UBE2R2: variants seen among roughly 807,000 people sequenced by gnomAD.
UBE2R2 encodes ubiquitin-conjugating enzyme E2 R2.
UBE2R2 carries 1 observed loss-of-function variant against 27.8 expected under a neutral mutation model. The ratio of observed to expected loss-of-function variants is 0.04; its 90% confidence interval spans 0.01 to 0.17. UBE2R2 has a LOEUF of 0.17. UBE2R2 is among the 10% of genes least tolerant of loss of function. The probability of loss-of-function intolerance (pLI) is 1.00; values close to 1 mark genes in which losing one functional copy is unlikely to be tolerated. For missense variants in UBE2R2, 100 were observed against 291.0 expected (o/e 0.34, Z 4.78); for synonymous variants, 106 against 113.3 (o/e 0.94, Z 0.41).
intron 1 of UBE2R2, among the ~76,000 whole-genome samples, chr9:33,853,774 A>AT (rs749498528): frequency 0.08 from 8,931 of 112,302 alleles, 507 homozygotes; most frequent in Non-Finnish European, 0.12. Context: ...CTTCCTTCCA[A>AT]TTTTTTTTTT....
chr9:33,904,466 C>T (rs537959916), intron 3 of UBE2R2, among the ~76,000 whole-genome samples: 5 of 152,286 alleles, frequency 3.3e-5, no homozygotes, highest in Non-Finnish European at 7.4e-5. Flanking sequence ...TCCATATTCA[C>T]GTATTTGGTT....
intron 1 of UBE2R2, among the ~76,000 whole-genome samples, chr9:33,826,629 GGA>G (rs145288246): frequency 0.4 from 60,788 of 151,014 alleles, 12,460 homozygotes; most frequent in South Asian, 0.48. Context: ...ATCCAGAGGC[GGA>G]GAGGTTGCAG....
intron 1 of UBE2R2, among the ~76,000 whole-genome samples, chr9:33,872,033 C>T (rs550792645): frequency 6.6e-6 from 1 of 152,120 alleles, no homozygotes; most frequent in East Asian, 1.9e-4. Context: ...TTTCTTGAGA[C>T]AGCTGATATA....
intron 4 of UBE2R2, among the ~76,000 whole-genome samples, chr9:33,915,803 G>A (rs1478168095): frequency 6.6e-6 from 1 of 152,062 alleles, no homozygotes; most frequent in Non-Finnish European, 1.5e-5. Flanking sequence ...ACTAGATAGT[G>A]CTAAGTAGGA....
At chr9:33,847,989 A>G (rs1375094845) in intron 1 of UBE2R2, among the ~76,000 whole-genome samples, 1 of 151,794 alleles carries the variant, frequency 6.6e-6, no homozygotes, top group Non-Finnish European at 1.5e-5. Flanking sequence ...TCCTGACCTC[A>G]GGTGATCCAC....
At chr9:33,828,251 G>C (rs971606613) in intron 1 of UBE2R2, among the ~76,000 whole-genome samples, 14 of 147,432 alleles carry the variant, frequency 9.5e-5, no homozygotes, top group African/African-American at 3.5e-4. Flanking sequence ...GCAGTGAGCC[G>C]AGATCCCACC....
intron 2 of UBE2R2, among the ~76,000 whole-genome samples, chr9:33,887,740 C>T (rs1213246886): frequency 1.3e-5 from 2 of 152,134 alleles, no homozygotes; most frequent in Non-Finnish European, 2.9e-5. Context: ...GGCGCAATCT[C>T]GCTCACTGCT....
chr9:33,918,812 T>G lies in UBE2R2; in HGVS notation c.*1575T>G, dbSNP rs1175889434. 6.6e-6 allele frequency: 1 copy of G among 152,584 alleles called. No homozygotes were observed. The highest frequency in any genetic ancestry group is 1.5e-5 in the Non-Finnish European group (1 of 68,064). 9.5% of individuals were successfully genotyped at this position (152,584 alleles called of 1,614,324 possible). The stretch of plus-strand genomic sequence containing the variant: ...ACTCAGAAAGAACCAAAGGGCAGAT[T>G]AGGGACGGGGCAGGAGGGATCCTAG... On this transcript the variant is annotated 3_prime_UTR_variant, in exon 5 of 5. Transcript: ENST00000263228.
intron 1 of UBE2R2, among the ~76,000 whole-genome samples, chr9:33,846,037 A>G (rs907058553): frequency 6.6e-6 from 1 of 151,936 alleles, no homozygotes; most frequent in African/African-American, 2.4e-5. Context: ...GAGGCAGGAA[A>G]ATGGCGTGAA....
intron 1 of UBE2R2, among the ~76,000 whole-genome samples, chr9:33,874,644 C>G (rs1821564601): frequency 6.6e-6 from 1 of 151,042 alleles, no homozygotes; most frequent in Admixed American, 6.6e-5. Flanking sequence ...CTTTTCATTT[C>G]ATTTGTGAAA....
intron 2 of UBE2R2, among the ~76,000 whole-genome samples, chr9:33,894,600 G>C (rs1050705572): frequency 6.6e-6 from 1 of 151,994 alleles, no homozygotes; most frequent in Non-Finnish European, 1.5e-5. Context: ...CACCTGACTA[G>C]TAAAATTTTG....
intron 1 of UBE2R2, among the ~76,000 whole-genome samples, chr9:33,818,417 A>T (rs1825880774): frequency 6.6e-6 from 1 of 150,842 alleles, no homozygotes; most frequent in African/African-American, 2.4e-5. Context: ...TTGTCATTTC[A>T]GAAGCTGCCG....
chr9:33,825,918 A>C (rs1820306039), intron 1 of UBE2R2, among the ~76,000 whole-genome samples: 1 of 152,084 alleles, frequency 6.6e-6, no homozygotes, highest in Non-Finnish European at 1.5e-5. Context: ...GGAGGTGGGC[A>C]GATCACTTGA....
chr9:33,828,504 C>T (rs575342693), intron 1 of UBE2R2, among the ~76,000 whole-genome samples: 2 of 151,584 alleles, frequency 1.3e-5, no homozygotes, highest in African/African-American at 4.8e-5. Flanking sequence ...GTTCTGCTGC[C>T]TTAGCCTCCA....
intron 3 of UBE2R2, among the ~76,000 whole-genome samples, chr9:33,911,541 T>A (rs1222607579): frequency 6.6e-6 from 1 of 152,160 alleles, no homozygotes; most frequent in Non-Finnish European, 1.5e-5. Flanking sequence ...TTGTAATTTT[T>A]AAAATAAACA....
chr9:33,857,054 G>A (rs1259652752), intron 1 of UBE2R2, among the ~76,000 whole-genome samples: 1 of 151,208 alleles, frequency 6.6e-6, no homozygotes, highest in Admixed American at 6.6e-5. Flanking sequence ...GTGCCACCAG[G>A]CCAGGCTAAT....
chr9:33,835,145 GTT>G (rs3060448), intron 1 of UBE2R2, among the ~76,000 whole-genome samples: 2 of 112,116 alleles, frequency 1.8e-5, no homozygotes, highest in Non-Finnish European at 3.5e-5. Context: ...CTAAGTGTAG[GTT>G]TTTTTTTTTT....
At chr9:33,816,246 G>C (rs1825753453), upstream of UBE2R2, among the ~76,000 whole-genome samples, 2 of 152,132 alleles carry the variant, frequency 1.3e-5, no homozygotes, top group Admixed American at 1.3e-4. Flanking sequence ...GCCTTCCTAG[G>C]AGAAAGGAGT....
At chr9:33,830,336 T>TC (rs1820435041) in intron 1 of UBE2R2, among the ~76,000 whole-genome samples, 1 of 150,260 alleles carries the variant, frequency 6.7e-6, no homozygotes, top group African/African-American at 2.4e-5. Flanking sequence ...TTTTGTATTT[T>TC]GGTAGAGACG....
Sources: gnomAD v4.1 joint callset for allele counts (sites outside exome capture counted in the v4.1 genomes callset) on GRCh38, gnomAD v4.1.1 for gene constraint, MANE v1.5 for transcripts, NCBI Gene and HGNC (gene_info 2026-07-23, HGNC 2026-07-21) for gene names.